PSMB2: variants seen among roughly 807,000 people sequenced by gnomAD.
PSMB2 encodes proteasome 20S subunit beta 2, also known as proteasome subunit beta type-2.
In PSMB2, 13 loss-of-function variants were observed where a neutral mutation model predicts 25.7. The observed-to-expected ratio is 0.51, with a 90% CI of 0.33 to 0.80. PSMB2 has a LOEUF of 0.80. PSMB2 is among the 30% of genes least tolerant of loss of function. The pLI is 0.02. For synonymous variants in PSMB2, 87 were observed against 96.2 expected (o/e 0.90, Z 0.56); for missense variants, 202 against 259.0 (o/e 0.78, Z 1.51).
chr1:35,614,175 A>G (rs1237651439), intron 3 of PSMB2, among the ~76,000 whole-genome samples: 1 of 152,158 alleles, frequency 6.6e-6, no homozygotes, highest in African/African-American at 2.4e-5. Flanking sequence ...CGTAGAGCAT[A>G]TCTACTTCAT....
intron 3 of PSMB2, among the ~76,000 whole-genome samples, chr1:35,616,061 T>G (rs966062954): frequency 2.6e-5 from 4 of 151,538 alleles, no homozygotes; most frequent in Non-Finnish European, 5.9e-5. Flanking sequence ...CAGACTTAGA[T>G]AGGATAGAAA....
At position 35,602,012 on chromosome 1, in the gene PSMB2, A is replaced by G; in HGVS notation, c.*1255T>C. ...TAAAACAATCTCTAATATAGTGTTA[A>G]GTGAAATAAGCAATATGCAGAACTT... On this transcript the variant is annotated 3_prime_UTR_variant, in exon 6 of 6. Coordinates refer to ENST00000373237, the MANE Select transcript of PSMB2 (RefSeq NM_002794.5). The G allele has an allele frequency of 1.3e-6, 1 of 796,184 alleles. No individual in the cohort carries two copies. The highest frequency in any genetic ancestry group is 1.9e-5 in the African/African-American group (1 of 53,338). 49.3% of individuals were successfully genotyped at this position (796,184 alleles called of 1,614,324 possible).
intron 2 of PSMB2, among the ~76,000 whole-genome samples, chr1:35,635,920 T>A (rs1651235068): frequency 6.6e-6 from 1 of 152,116 alleles, no homozygotes; most frequent in South Asian, 2.1e-4. Flanking sequence ...AAACCAATTG[T>A]TATAGGCTGA....
intron 3 of PSMB2, among the ~76,000 whole-genome samples, chr1:35,628,596 A>AAAAATATATAT (rs59538661): frequency 3.0e-3 from 76 of 25,078 alleles, no homozygotes; most frequent in Non-Finnish European, 5.0e-3. Flanking sequence ...AAAAAAAAAA[A>AAAAATATATAT]ATATATATAT....
rs539342517 is a variant in PSMB2, at chr1:35,603,525, A to C, written c.499-151T>G. ...TGGAGGCAGTTGGCAGTAGGGCACT[A>C]GTACTCTAGTGGTAGAGGGTACCCA... On this transcript the variant is annotated intron_variant, in intron 5 of 5. Transcript: ENST00000373237. 19 of 925,848 alleles carry C rather than the reference A, an allele frequency of 2.1e-5. 1 individual carries two copies. In the South Asian group the frequency reaches 2.8e-4, roughly 14 times the overall value. 57.4% of individuals were successfully genotyped at this position (925,848 alleles called of 1,614,324 possible).
At chr1:35,632,889 T>C (rs1651142992) in intron 2 of PSMB2, among the ~76,000 whole-genome samples, 1 of 151,662 alleles carries the variant, frequency 6.6e-6, no homozygotes, top group African/African-American at 2.4e-5. Flanking sequence ...AGTGAGACCC[T>C]GTCTCAACAA....
intron 3 of PSMB2, 127 bp from the exon 4 acceptor site, chr1:35,609,535 T>C: frequency 4.4e-6 from 4 of 900,854 alleles, no homozygotes; most frequent in Non-Finnish European, 6.3e-6. Flanking sequence ...TAAATCACAA[T>C]GAAAGTAAAA....
intron 3 of PSMB2, among the ~76,000 whole-genome samples, chr1:35,611,784 A>T (rs1650350750): frequency 6.6e-6 from 1 of 152,036 alleles, no homozygotes; most frequent in African/African-American, 2.4e-5. Flanking sequence ...AGATAGTGCT[A>T]CTGCACCACT....
intron 1 of PSMB2, among the ~76,000 whole-genome samples, chr1:35,639,550 T>C (rs1235662619): frequency 6.6e-6 from 1 of 152,192 alleles, no homozygotes; most frequent in Non-Finnish European, 1.5e-5. Context: ...TTCCTTGTTT[T>C]CTTAATGTCT....
At chr1:35,626,458 C>G (rs549063845) in intron 3 of PSMB2, among the ~76,000 whole-genome samples, 3 of 152,298 alleles carry the variant, frequency 2.0e-5, no homozygotes, top group Admixed American at 6.5e-5. Context: ...TCAGCAAACA[C>G]TTATTGAAAA....
chr1:35,636,485 C>T (rs1651248228), intron 1 of PSMB2, 53 bp from the exon 2 acceptor site: 1 of 1,586,144 alleles, frequency 6.3e-7, no homozygotes, highest in South Asian at 1.1e-5. Context: ...CATTGACCGT[C>T]ATTATTTATG....
chr1:35,640,347 G>C (rs979133065), intron 1 of PSMB2, among the ~76,000 whole-genome samples: 2 of 152,126 alleles, frequency 1.3e-5, no homozygotes, highest in African/African-American at 4.8e-5. Context: ...CTCCCGACAA[G>C]TTTGTGAGTT....
intron 2 of PSMB2, among the ~76,000 whole-genome samples, chr1:35,635,785 C>T (rs1005385850): frequency 4.8e-5 from 7 of 144,338 alleles, no homozygotes; most frequent in South Asian, 2.2e-4. Context: ...GCAGAGATCG[C>T]GCCATTGCAC....
intron 3 of PSMB2, among the ~76,000 whole-genome samples, chr1:35,618,654 G>C (rs921451308): frequency 2.0e-5 from 3 of 152,138 alleles, no homozygotes; most frequent in Non-Finnish European, 4.4e-5. Context: ...GCAAAGTGCT[G>C]GAATGACAAA....
In PSMB2 at chr1:35,601,512, T is replaced by A. The variant is rs116346707; in HGVS notation, c.*1755A>T. The stretch of plus-strand genomic sequence containing the variant: ...CATCTCTTTTCTCCCATTTACTCAA[T>A]GATTAGCTTTCTTCTTATGGTGTAA... On this transcript the variant is annotated 3_prime_UTR_variant, in exon 6 of 6. Coordinates refer to ENST00000373237, the MANE Select transcript of PSMB2 (RefSeq NM_002794.5). The A allele has an allele frequency of 4.5e-4, 445 of 985,436 alleles. No individual in the cohort carries two copies. In the African/African-American group the frequency reaches 7.4e-3, roughly 16 times the overall value. 61.0% of individuals were successfully genotyped at this position (985,436 alleles called of 1,614,324 possible). A position where few individuals can be genotyped will look rare whatever the true frequency, so the allele number is the denominator to read the frequency against.
At chr1:35,628,617 ATATATATATATATAT>A (rs1557456484) in intron 3 of PSMB2, among the ~76,000 whole-genome samples, 3 of 49,472 alleles carry the variant, frequency 6.1e-5, no homozygotes, top group African/African-American at 8.1e-5. Context: ...ATATATATAT[ATATATATATATATAT>A]TTTTTTTTTT....
At position 35,600,783 on chromosome 1, in the gene PSMB2, ACT is replaced by A; in HGVS notation, c.*2482_*2483del. ...GCTTGCCTGAGATTGCCCTGGGGAC[ACT>A]TACATTCAAAGGCAGAGAACCGTAT... On this transcript the variant is annotated 3_prime_UTR_variant, in exon 6 of 6. Coordinates refer to ENST00000373237, the MANE Select transcript of PSMB2 (RefSeq NM_002794.5). 4.1e-6 allele frequency: 4 copies of A among 985,460 alleles called. No homozygotes were observed. The highest frequency in any genetic ancestry group is 4.8e-6 in the Non-Finnish European group (4 of 829,944). The allele number at this position is 985,460 out of a possible 1,614,324, so 61.0% of individuals were successfully genotyped here. A position where few individuals can be genotyped will look rare whatever the true frequency, so the allele number is the denominator to read the frequency against.
intron 5 of PSMB2, among the ~76,000 whole-genome samples, chr1:35,603,680 C>A (rs1027359562): frequency 6.6e-6 from 1 of 152,138 alleles, no homozygotes; most frequent in African/African-American, 2.4e-5. Context: ...AGTCTGTTAC[C>A]CATCAGTCTG....
intron 1 of PSMB2, among the ~76,000 whole-genome samples, chr1:35,639,118 G>C (rs543138667): frequency 1.8e-4 from 28 of 152,154 alleles, no homozygotes; most frequent in South Asian, 2.1e-4. Context: ...GCTGGGCATG[G>C]TGACGGGCGC....
Sources: gnomAD v4.1 joint callset for allele counts (sites outside exome capture counted in the v4.1 genomes callset) on GRCh38, gnomAD v4.1.1 for gene constraint, MANE v1.5 for transcripts, NCBI Gene and HGNC (gene_info 2026-07-23, HGNC 2026-07-21) for gene names.